Variants in CAMK1D observed in about 807,000 individuals in gnomAD.
The protein encoded by CAMK1D is calcium/calmodulin dependent protein kinase ID.
In CAMK1D, 9 loss-of-function variants were observed where a neutral mutation model predicts 47.7. That is an observed-to-expected ratio of 0.19 (90% confidence interval 0.11 to 0.33). The LOEUF (loss-of-function observed/expected upper bound fraction) is 0.33. Among genes scored for constraint, CAMK1D ranks in the 10% least tolerant of loss-of-function variants. CAMK1D has a pLI of 1.00. For synonymous variants in CAMK1D, 184 were observed against 184.9 expected, an observed-to-expected ratio of 0.99 and a Z score of 0.04; for missense variants, 291 against 488.7, an observed-to-expected ratio of 0.60 and a Z score of 3.81.
intron 2 of CAMK1D, among the ~76,000 whole-genome samples, chr10:12,662,651 C>CAAAAAA (rs56807588): frequency 1.4e-5 from 2 of 140,434 alleles, no homozygotes; most frequent in Non-Finnish European, 3.1e-5. Context: ...CACTCTGCCT[C>CAAAAAA]AAAAAAAAAA....
chr10:12,644,440 A>G (rs915613931), intron 2 of CAMK1D, among the ~76,000 whole-genome samples: 3 of 152,206 alleles, frequency 2.0e-5, no homozygotes, highest in African/African-American at 7.2e-5. Context: ...TTAATGTGCC[A>G]TCAAAATTAA....
rs1400677990 is a variant in CAMK1D at position 12,750,546 on chromosome 10, G to A, written c.300-10402G>A. Among the ~76,000 whole-genome samples, 3 of 152,270 alleles carry A rather than the reference G, an allele frequency of 2.0e-5. No homozygotes were observed. In the East Asian group the frequency reaches 5.8e-4, roughly 29 times the overall value. ...GGTTCTAGAATATTCTTCTGAGTGT[G>A]AGGCACCCACTCCAAGCTAAAAGGC... On this transcript the variant is annotated intron_variant, in intron 3 of 10. Transcript: ENST00000619168.
chr10:12,512,349 AG>A (rs1207917274), intron 1 of CAMK1D, among the ~76,000 whole-genome samples: 1 of 152,216 alleles, frequency 6.6e-6, no homozygotes, highest in African/African-American at 2.4e-5. Context: ...CACTGGTTTC[AG>A]ACAAACCCGG....
At chr10:12,615,866 G>GTA (rs904871466) in intron 2 of CAMK1D, among the ~76,000 whole-genome samples, 1 of 32,494 alleles carries the variant, frequency 3.1e-5, no homozygotes, top group African/African-American at 3.9e-5. Context: ...GTGTATGCAT[G>GTA]TATGTGTATA....
intron 2 of CAMK1D, among the ~76,000 whole-genome samples, chr10:12,569,752 G>A (rs537435929): frequency 9.8e-4 from 145 of 147,968 alleles, no homozygotes; most frequent in African/African-American, 3.5e-3. Flanking sequence ...AAATTGTGTG[G>A]TGAACGTATT....
At chr10:12,675,391 A>G (rs957348493) in intron 3 of CAMK1D, among the ~76,000 whole-genome samples, 1 of 152,084 alleles carries the variant, frequency 6.6e-6, no homozygotes, top group Non-Finnish European at 1.5e-5. Context: ...AAACTCTTGA[A>G]TTTTCCACAA....
At chr10:12,463,821 T>C (rs1833510648) in intron 1 of CAMK1D, among the ~76,000 whole-genome samples, 1 of 152,186 alleles carries the variant, frequency 6.6e-6, no homozygotes, top group Non-Finnish European at 1.5e-5. Flanking sequence ...AAATGAATCA[T>C]GGGGTAGGTT....
chr10:12,647,538 A>C (rs992344429), intron 2 of CAMK1D, among the ~76,000 whole-genome samples: 1 of 152,122 alleles, frequency 6.6e-6, no homozygotes, highest in Non-Finnish European at 1.5e-5. Flanking sequence ...AGTTGTTGTA[A>C]ATATATATAT....
intron 3 of CAMK1D, among the ~76,000 whole-genome samples, chr10:12,744,804 G>A (rs2130856054): frequency 6.6e-6 from 1 of 152,102 alleles, no homozygotes; most frequent in South Asian, 2.1e-4. Flanking sequence ...ACGAGGATAA[G>A]GGAGAAGGAT....
At chr10:12,436,921 G>A (rs567481890) in intron 1 of CAMK1D, among the ~76,000 whole-genome samples, 9 of 152,256 alleles carry the variant, frequency 5.9e-5, no homozygotes, top group South Asian at 2.1e-4. Flanking sequence ...TTATCACAGC[G>A]AAAGGACTTC....
intron 1 of CAMK1D, among the ~76,000 whole-genome samples, chr10:12,482,975 T>C (rs1215800224): frequency 6.6e-6 from 1 of 152,156 alleles, no homozygotes; most frequent in Non-Finnish European, 1.5e-5. Flanking sequence ...CTGCCCACAT[T>C]ACGGTGCTAG....
intron 1 of CAMK1D, among the ~76,000 whole-genome samples, chr10:12,481,644 C>T (rs905993156): frequency 8.5e-5 from 13 of 152,074 alleles, no homozygotes; most frequent in Non-Finnish European, 1.6e-4. Context: ...TGAGCAGCCG[C>T]GATTACAGGC....
At chr10:12,730,708 A>G (rs572505467) in intron 3 of CAMK1D, among the ~76,000 whole-genome samples, 3 of 152,282 alleles carry the variant, frequency 2.0e-5, no homozygotes, top group Admixed American at 1.3e-4. Flanking sequence ...CAGAAAATCA[A>G]TAGCGGTACC....
intron 3 of CAMK1D, among the ~76,000 whole-genome samples, chr10:12,739,331 A>G (rs1588871742): frequency 6.6e-6 from 1 of 150,600 alleles, no homozygotes; most frequent in East Asian, 2.0e-4. Context: ...TGTGGAGCAC[A>G]GTTGCGCCAT....
At chr10:12,530,854 C>T (rs917300552) in intron 1 of CAMK1D, among the ~76,000 whole-genome samples, 7 of 151,910 alleles carry the variant, frequency 4.6e-5, no homozygotes, top group South Asian at 2.1e-4. Flanking sequence ...GTCAGGAGTT[C>T]GAGACCAGCC....
At chr10:12,471,540 A>G (rs976956281) in intron 1 of CAMK1D, among the ~76,000 whole-genome samples, 2 of 152,218 alleles carry the variant, frequency 1.3e-5, no homozygotes, top group African/African-American at 4.8e-5. Flanking sequence ...GGAGCTATCC[A>G]GGTTGACAGG....
chr10:12,523,888 A>ATTAT lies in CAMK1D; in HGVS notation c.93-29314_93-29311dup, dbSNP rs201176779. Among the ~76,000 whole-genome samples the ATTAT allele has an allele frequency of 7.4e-3, 1,118 of 151,620 alleles. 22 individuals are homozygous for ATTAT. The highest frequency in any genetic ancestry group is 0.042 in the East Asian group (217 of 5,154). On this transcript the variant is annotated intron_variant, in intron 1 of 10. Coordinates refer to ENST00000619168, the MANE Select transcript of CAMK1D (RefSeq NM_153498.4). ...GTTTATGTGTGTGTGTTTTGTAGGGATTATTTATTTATTTATTTATTTATT... is the reference window on the plus strand; with the variant it reads ...GTTTATGTGTGTGTGTTTTGTAGGGATTATTTATTTATTTATTTATTTATTTATT...
At chr10:12,593,494 G>C (rs2132368113) in intron 2 of CAMK1D, among the ~76,000 whole-genome samples, 1 of 152,296 alleles carries the variant, frequency 6.6e-6, no homozygotes, top group East Asian at 1.9e-4. Flanking sequence ...GGAGGCTGAG[G>C]CAGGAGAATC....
intron 2 of CAMK1D, among the ~76,000 whole-genome samples, chr10:12,576,776 C>T (rs999029431): frequency 7.2e-5 from 11 of 152,318 alleles, no homozygotes; most frequent in African/African-American, 2.4e-4. Flanking sequence ...CCCGGTTCCA[C>T]GGCCTGGTAC....
Sources: allele counts gnomAD v4.1 joint callset (sites outside exome capture counted in the v4.1 genomes callset), GRCh38; gene constraint gnomAD v4.1.1; transcripts MANE v1.5; gene names NCBI Gene and HGNC (gene_info 2026-07-23, HGNC 2026-07-21).